SDK1: variants seen among roughly 807,000 people sequenced by gnomAD.
SDK1 encodes sidekick cell adhesion molecule 1, also known as protein sidekick-1.
SDK1 carries 157 observed loss-of-function variants against 245.5 expected under a neutral mutation model. The observed-to-expected ratio is 0.64, with a 90% CI of 0.56 to 0.73. SDK1 has a LOEUF of 0.73. Among genes scored for constraint, SDK1 ranks in the 30% least tolerant of loss-of-function variants. The probability of loss-of-function intolerance (pLI) is 0.00; values close to 1 mark genes in which losing one functional copy is unlikely to be tolerated. For synonymous variants in SDK1, 1,647 were observed against 1,278.5 expected (o/e 1.29, Z -6.15); for missense variants, 3,583 against 3,002.3 (o/e 1.19, Z -4.52).
chr7:4,103,255 C>T (rs1263889836), intron 22 of SDK1, among the ~76,000 whole-genome samples: 1 of 151,796 alleles, frequency 6.6e-6, no homozygotes, highest in Admixed American at 6.6e-5. Flanking sequence ...CTTCTTCGGC[C>T]TCCCAAAGTG....
intron 4 of SDK1, among the ~76,000 whole-genome samples, chr7:3,733,976 A>T (rs1352057275): frequency 2.6e-5 from 4 of 152,134 alleles, no homozygotes; most frequent in African/African-American, 9.7e-5. Flanking sequence ...GGCTCCCAAG[A>T]TGATTCAGAT....
chr7:3,803,745 CTTT>C (rs60802259), intron 4 of SDK1, among the ~76,000 whole-genome samples: 3 of 119,972 alleles, frequency 2.5e-5, no homozygotes, highest in African/African-American at 3.1e-5. Flanking sequence ...GTATTTTCCT[CTTT>C]TTTTTTTTTT....
At chr7:3,900,217 G>A (rs1781740301) in intron 5 of SDK1, among the ~76,000 whole-genome samples, 1 of 152,126 alleles carries the variant, frequency 6.6e-6, no homozygotes, top group Admixed American at 6.5e-5. Context: ...CTCTGGAATA[G>A]CATTTGTATA....
At chr7:3,572,274 T>C (rs1030064106) in intron 1 of SDK1, among the ~76,000 whole-genome samples, 3 of 152,028 alleles carry the variant, frequency 2.0e-5, no homozygotes, top group Admixed American at 1.3e-4. Context: ...TAATGGAATG[T>C]CACAAATTTC....
chr7:3,390,310 A>T (rs1384071540), intron 1 of SDK1, among the ~76,000 whole-genome samples: 1 of 152,210 alleles, frequency 6.6e-6, no homozygotes, highest in Non-Finnish European at 1.5e-5. Flanking sequence ...TGTCAAATAT[A>T]TCTCTATAAA....
intron 4 of SDK1, among the ~76,000 whole-genome samples, chr7:3,743,399 C>G (rs988233034): frequency 6.6e-6 from 1 of 152,154 alleles, no homozygotes; most frequent in Non-Finnish European, 1.5e-5. Context: ...TCACAACTCT[C>G]TTACCTCTTT....
chr7:3,489,403 G>A (rs1002963870), intron 1 of SDK1, among the ~76,000 whole-genome samples: 3 of 152,116 alleles, frequency 2.0e-5, no homozygotes, highest in East Asian at 1.9e-4. Context: ...TTGCTGCAGC[G>A]CTGAAAATTA....
intron 1 of SDK1, among the ~76,000 whole-genome samples, chr7:3,562,771 A>C (rs752035918): frequency 1.3e-5 from 2 of 152,140 alleles, no homozygotes; most frequent in Admixed American, 6.5e-5. Context: ...TTTCCAGCCC[A>C]ATTGTCACTC....
intron 37 of SDK1, among the ~76,000 whole-genome samples, 184 bp downstream of exon 37, chr7:4,208,469 C>T (rs191679357): frequency 6.6e-6 from 1 of 152,348 alleles, no homozygotes; most frequent in Admixed American, 6.5e-5. Flanking sequence ...CTGTGCCTGG[C>T]CTCAGACTGG....
chr7:3,842,122 G>T (rs375793373), intron 5 of SDK1, among the ~76,000 whole-genome samples: 242 of 152,316 alleles, frequency 1.6e-3, no homozygotes, highest in African/African-American at 5.4e-3. Context: ...AGCTAAAAAT[G>T]TAGTTGTTCA....
chr7:3,661,775 C>A (rs1440233587), intron 4 of SDK1, among the ~76,000 whole-genome samples: 1 of 152,156 alleles, frequency 6.6e-6, no homozygotes, highest in African/African-American at 2.4e-5. Flanking sequence ...CAGACCCTGG[C>A]TGTGATACCT....
chr7:3,517,683 T>G (rs931679524), intron 1 of SDK1, among the ~76,000 whole-genome samples: 4 of 152,160 alleles, frequency 2.6e-5, no homozygotes, highest in Non-Finnish European at 5.9e-5. Context: ...CCCACCATTG[T>G]TCTGCTAAGG....
At chr7:4,179,785 ACGG>A (rs1782484148) in intron 35 of SDK1, among the ~76,000 whole-genome samples, 1 of 151,578 alleles carries the variant, frequency 6.6e-6, no homozygotes, top group Non-Finnish European at 1.5e-5. Context: ...GCCACTGCGG[ACGG>A]CGGCCATGGC....
At chr7:4,151,032 G>A (rs561457014) in intron 30 of SDK1, among the ~76,000 whole-genome samples, 1 of 152,324 alleles carries the variant, frequency 6.6e-6, no homozygotes, top group East Asian at 1.9e-4. Flanking sequence ...AGGCTTGGAG[G>A]TGATAAGGCC....
At chr7:3,768,871 A>G (rs1278594341) in intron 4 of SDK1, among the ~76,000 whole-genome samples, 1 of 152,148 alleles carries the variant, frequency 6.6e-6, no homozygotes, top group African/African-American at 2.4e-5. Context: ...ACTCCTTTAG[A>G]TCCTGTTTGG....
intron 38 of SDK1, among the ~76,000 whole-genome samples, chr7:4,218,781 C>A (rs994625751): frequency 1.3e-5 from 2 of 152,132 alleles, no homozygotes; most frequent in South Asian, 2.1e-4. Context: ...CTCTGCCAAT[C>A]GGTCCATCCT....
chr7:3,366,371 A>G (rs1442302520), intron 1 of SDK1, among the ~76,000 whole-genome samples: 1 of 151,286 alleles, frequency 6.6e-6, no homozygotes, highest in Non-Finnish European at 1.5e-5. Context: ...TTTATTTCAC[A>G]ATATATTTTG....
At chr7:3,928,100 A>C (rs147379536) in intron 5 of SDK1, among the ~76,000 whole-genome samples, 1 of 152,300 alleles carries the variant, frequency 6.6e-6, no homozygotes, top group East Asian at 1.9e-4. Flanking sequence ...CTCTGTCTTG[A>C]TTAGGAAGCA....
intron 1 of SDK1, among the ~76,000 whole-genome samples, chr7:3,355,970 C>G (rs760536506): frequency 6.6e-6 from 1 of 152,178 alleles, no homozygotes; most frequent in African/African-American, 2.4e-5. Flanking sequence ...TTGTCCTCCA[C>G]GCTCACCCCA....
Sources: gnomAD v4.1 joint callset for allele counts (sites outside exome capture counted in the v4.1 genomes callset) on GRCh38, gnomAD v4.1.1 for gene constraint, MANE v1.5 for transcripts, NCBI Gene and HGNC (gene_info 2026-07-23, HGNC 2026-07-21) for gene names.